The following OXCT1 variants were observed in gnomAD, a reference collection of about 807,000 sequenced individuals.
OXCT1 encodes the protein succinyl-CoA:3-ketoacid coenzyme A transferase 1, mitochondrial.
In OXCT1, 27 loss-of-function variants were observed where a neutral mutation model predicts 69.6. That is an observed-to-expected ratio of 0.39 (90% confidence interval 0.29 to 0.54). The LOEUF (loss-of-function observed/expected upper bound fraction) is 0.54, where lower values mean the gene tolerates loss of function less well. OXCT1 is among the 20% of genes least tolerant of loss of function. The pLI is 0.72. For missense variants in OXCT1, 437 were observed against 650.2 expected, an observed-to-expected ratio of 0.67 and a Z score of 3.57; for synonymous variants, 202 against 217.8, an observed-to-expected ratio of 0.93 and a Z score of 0.64.
At chr5:41,742,037 A>G (rs1171481913) in intron 15 of OXCT1, among the ~76,000 whole-genome samples, 1 of 152,198 alleles carries the variant, frequency 6.6e-6, no homozygotes, top group Non-Finnish European at 1.5e-5. Context: ...AAAAAAGAGC[A>G]TCTGGATTAA....
intron 7 of OXCT1, among the ~76,000 whole-genome samples, chr5:41,808,367 G>C (rs925164853): frequency 2.6e-5 from 4 of 152,006 alleles, no homozygotes; most frequent in African/African-American, 9.7e-5. Context: ...ATTGATTTTT[G>C]TTTCCTAAAC....
At chr5:41,818,922 TA>T (rs373863048) in intron 7 of OXCT1, among the ~76,000 whole-genome samples, 29,885 of 143,664 alleles carry the variant, frequency 0.21, 3,042 homozygotes, top group Middle Eastern at 0.28. Flanking sequence ...GTGACTCGTT[TA>T]AAAAAAAAAA....
At chr5:41,779,131 T>G (rs1160100993) in intron 13 of OXCT1, among the ~76,000 whole-genome samples, 1 of 152,226 alleles carries the variant, frequency 6.6e-6, no homozygotes, top group Admixed American at 6.5e-5. Context: ...AGAAAAATGT[T>G]GAAGTTTTAC....
At chr5:41,842,895 A>G (rs1748706500) in intron 5 of OXCT1, 114 bp from the exon 6 acceptor site, 2 of 789,688 alleles carry the variant, frequency 2.5e-6, no homozygotes, top group African/African-American at 1.7e-5. Context: ...AAAATTTCTC[A>G]GAGGGAAAAG....
In OXCT1 at chr5:41,807,428, A is replaced by G; in HGVS notation, c.743T>C (p.Ile248Thr). ...TGGAGCAAATGCTCCAATATCCACA[A>G]TTTCTTCAACCTAGACAAAGAGAAA... ...AETTVVEVEEIVDIGAFAPED... is the reference protein window; with the variant it reads ...AETTVVEVEETVDIGAFAPED... The change falls in exon 8 of 17, where the codon ATT becomes ACT. Residue 248 changes from isoleucine (I) to threonine (T), a missense_variant. Coordinates refer to ENST00000196371, the MANE Select transcript of OXCT1 (RefSeq NM_000436.4). The G allele has an allele frequency of 6.3e-7, 1 of 1,588,314 alleles. No individual in the cohort carries two copies. The highest frequency in any genetic ancestry group is 8.6e-7 in the Non-Finnish European group (1 of 1,157,440).
chr5:41,783,037 C>T (rs1205277086), intron 13 of OXCT1, among the ~76,000 whole-genome samples: 2 of 152,088 alleles, frequency 1.3e-5, no homozygotes, highest in South Asian at 2.1e-4. Flanking sequence ...TGAAAAGAAT[C>T]CTTTTATAAA....
rs184587011 is a variant in OXCT1 at position 41,864,973 on chromosome 5, T to C, written c.79-2223A>G. 1.5e-3 allele frequency among the ~76,000 whole-genome samples: 222 copies of C among 152,294 alleles called. 1 individual carries two copies. The highest frequency in any genetic ancestry group is 5.2e-3 in the African/African-American group (216 of 41,572). On this transcript the variant is annotated intron_variant, in intron 1 of 16. Transcript: ENST00000196371. ...AGTAAGATCACCCTAACTATTTCAA[T>C]ATGCTGAGAAACACAAATCCCACAT...
intron 16 of OXCT1, 116 bp downstream of exon 16, chr5:41,739,274 C>G: frequency 1.3e-6 from 1 of 755,572 alleles, no homozygotes; most frequent in South Asian, 1.4e-5. Context: ...CTCCTGTTCA[C>G]TGTAAAGGTC....
intron 15 of OXCT1, among the ~76,000 whole-genome samples, chr5:41,745,354 G>A (rs1339223446): frequency 1.3e-5 from 2 of 152,034 alleles, no homozygotes; most frequent in Admixed American, 1.3e-4. Flanking sequence ...TGAAACCAAT[G>A]AGAACAAAGA....
intron 3 of OXCT1, among the ~76,000 whole-genome samples, chr5:41,859,907 T>TGTAATATATATATATATAC (rs1561135734): frequency 1.3e-3 from 175 of 138,370 alleles, no homozygotes; most frequent in Middle Eastern, 8.1e-3. Flanking sequence ...TATATATATA[T>TGTAATATATATATATATAC]ACACACACAC....
Position 41,762,397 on chromosome 5 carries a change from T to C in OXCT1, c.1249-197A>G, listed in dbSNP as rs558041402. 1.3e-5 allele frequency among the ~76,000 whole-genome samples: 2 copies of C among 152,242 alleles called. No individual in the cohort carries two copies. The highest frequency in any genetic ancestry group is 3.9e-4 in the East Asian group (2 of 5,162). On this transcript the variant is annotated intron_variant, in intron 13 of 16. Transcript: ENST00000196371. This position sits in a 1 kb window ranked among gnomAD's most constrained non-coding sequence, Gnocchi z 4.0. ...GAAGGATAAAGTTCAGGATAAACAT[T>C]ACATCACTTTTATTAAGTGTGGCTA...
chr5:41,825,639 C>T (rs1019043907), intron 7 of OXCT1, among the ~76,000 whole-genome samples: 3 of 152,112 alleles, frequency 2.0e-5, no homozygotes, highest in African/African-American at 7.2e-5. Context: ...ATCTGAGGCC[C>T]TCTTTATTTA....
At position 41,730,815 on chromosome 5, in the gene OXCT1, T is replaced by C. The variant is rs1016385082; in HGVS notation, c.*914A>G. The stretch of plus-strand genomic sequence containing the variant: ...AGCCTTGGCAGAAGAAAAACCGTTG[T>C]TCTGTAGAAGTGTCATTCAATATTT... On this transcript the variant is annotated 3_prime_UTR_variant, in exon 17 of 17. Transcript: ENST00000196371. 2 of 152,240 alleles carry C rather than the reference T, an allele frequency of 1.3e-5. No homozygotes were observed. The highest frequency in any genetic ancestry group is 2.9e-5 in the Non-Finnish European group (2 of 68,038). 9.4% of individuals were successfully genotyped at this position (152,240 alleles called of 1,614,324 possible).
At position 41,794,069 on chromosome 5, in the gene OXCT1, G is replaced by T. The variant is rs142593804; in HGVS notation, c.1182C>A (p.Val394=). The change falls in exon 13 of 17, where the codon GTC becomes GTA. Residue 394 remains valine (V), a synonymous_variant. Transcript: ENST00000196371. ...GCATCGCTCCTAGCATTGTCAGATC[G>T]ACGTGTCCACTGAGAAAGAAAGAGG... is the stretch of plus-strand genomic sequence containing the variant. The part of the protein sequence containing the change: ...ESFAMIRGGH[V]DLTMLGAMQV... 1 of 1,612,074 alleles carries T rather than the reference G, an allele frequency of 6.2e-7. No homozygotes were observed. Among genetic ancestry groups the T allele is most frequent in the Non-Finnish European group, 8.5e-7 (1 of 1,178,330 alleles).
Position 41,850,168 on chromosome 5 carries a change from T to C in OXCT1, c.426A>G (p.Ala142=). Residue 142 remains alanine (A), a synonymous_variant, in exon 5 of 17, where the codon GCA becomes GCG. Transcript: ENST00000196371. ...EVELTPQGTL[A]ERIRAGGAGV... ...CAGCCCCGCCTGCACGGATCCTCTC[T>C]GCAAGTGTGCCCTGCAAGTGAGCAA... 1 of 1,613,592 alleles carries C rather than the reference T, an allele frequency of 6.2e-7. No homozygotes were observed. The highest frequency in any genetic ancestry group is 8.5e-7 in the Non-Finnish European group (1 of 1,179,832).
At chr5:41,812,136 G>T (rs747939083) in intron 7 of OXCT1, among the ~76,000 whole-genome samples, 19 of 151,902 alleles carry the variant, frequency 1.3e-4, no homozygotes, top group Non-Finnish European at 1.5e-5. Flanking sequence ...GACCTCTAAC[G>T]AATAAGAATA....
chr5:41,757,155 C>G (rs567423929), intron 14 of OXCT1, among the ~76,000 whole-genome samples: 1 of 152,190 alleles, frequency 6.6e-6, no homozygotes, highest in South Asian at 2.1e-4. Context: ...ATCACTCTGG[C>G]CACTGTGTGT....
Position 41,762,858 on chromosome 5 carries a change from A to C in OXCT1, c.1249-658T>G, listed in dbSNP as rs1744414282. On this transcript the variant is annotated intron_variant, in intron 13 of 16. Coordinates refer to ENST00000196371, the MANE Select transcript of OXCT1 (RefSeq NM_000436.4). This position sits in a 1 kb window ranked among gnomAD's most constrained non-coding sequence, Gnocchi z 4.0. ...TCATCTGGCCATCCCTTCATTCATTATACTTTTACCAACCACCTTCTATGT... is the reference window on the plus strand; with the variant it reads ...TCATCTGGCCATCCCTTCATTCATTCTACTTTTACCAACCACCTTCTATGT... Among the ~76,000 whole-genome samples, 1 of 152,138 alleles carries C rather than the reference A, an allele frequency of 6.6e-6. No individual in the cohort carries two copies. The highest frequency in any genetic ancestry group is 1.5e-5 in the Non-Finnish European group (1 of 68,014).
chr5:41,743,326 GTTTGATT>G (rs1743283699), intron 15 of OXCT1, among the ~76,000 whole-genome samples: 1 of 152,136 alleles, frequency 6.6e-6, no homozygotes, highest in African/African-American at 2.4e-5. Flanking sequence ...TGATGGGGTT[GTTTGATT>G]TTTTCTTGTA....
Sources: gnomAD v4.1 joint callset for allele counts (sites outside exome capture counted in the v4.1 genomes callset) on GRCh38, gnomAD v4.1.1 for gene constraint, Gnocchi (gnomAD v3.1) non-coding constraint, MANE v1.5 for transcripts, NCBI Gene and HGNC (gene_info 2026-07-23, HGNC 2026-07-21) for gene names.